Variants in EIPR1 observed in about 807,000 individuals in gnomAD.
The protein encoded by EIPR1 is EARP complex and GARP complex interacting protein 1.
In EIPR1, 25 loss-of-function variants were observed where a neutral mutation model predicts 48.1. The ratio of observed to expected loss-of-function variants is 0.52; its 90% CI spans 0.38 to 0.73. The LOEUF (loss-of-function observed/expected upper bound fraction) is 0.73, where lower values mean the gene tolerates loss of function less well. EIPR1 is among the 30% of genes least tolerant of loss of function. EIPR1 has a pLI of 0.00. For synonymous variants in EIPR1, 204 were observed against 201.9 expected (o/e 1.01, Z -0.09); for missense variants, 415 against 506.2 (o/e 0.82, Z 1.73).
At position 3,362,581 on chromosome 2, in the gene EIPR1, C is replaced by T. The variant is rs75010603; in HGVS notation, c.43-7948G>A. ...TTTCCTGTCAGACTCTGGGAAATCA[C>T]ACAAAAGCAGGAAGAAGGAGATCAC... On this transcript the variant is annotated intron_variant, in intron 1 of 8. Coordinates refer to ENST00000382125, the MANE Select transcript of EIPR1 (RefSeq NM_003310.5). 2.7e-5 allele frequency among the ~76,000 whole-genome samples: 4 copies of T among 150,248 alleles called. No homozygotes were observed. The East Asian group carries it at 7.8e-4, about 29-fold the overall frequency.
intron 4 of EIPR1, among the ~76,000 whole-genome samples, chr2:3,217,951 G>A (rs1399839915): frequency 1.3e-5 from 2 of 152,188 alleles, no homozygotes; most frequent in East Asian, 1.9e-4. Flanking sequence ...CTAAATACAC[G>A]TGAGTCCGGG....
chr2:3,204,582 G>T (rs1231441269), intron 5 of EIPR1, among the ~76,000 whole-genome samples: 1 of 152,162 alleles, frequency 6.6e-6, no homozygotes, highest in African/African-American at 2.4e-5. Context: ...ATGATTAAAG[G>T]CGCCCACAAA....
chr2:3,238,795 A>T (rs1386004270), intron 4 of EIPR1, among the ~76,000 whole-genome samples: 4 of 152,226 alleles, frequency 2.6e-5, no homozygotes, highest in African/African-American at 9.6e-5. Context: ...AACTGGCCAC[A>T]TCATCTGCAT....
In EIPR1 at chr2:3,313,725, G is replaced by A. The variant is rs372252393; in HGVS notation, c.259+24292C>T. Among the ~76,000 whole-genome samples the A allele has an allele frequency of 2.0e-5, 3 of 152,336 alleles. No homozygotes were observed. In the South Asian group the frequency reaches 6.2e-4, roughly 32 times the overall value. On this transcript the variant is annotated intron_variant, in intron 3 of 8. Transcript: ENST00000382125. ...CCCTAGCTTCTGAGATGCACAGTAA[G>A]TGTTTGGATCTGGGTTTCAGAAAAG...
At chr2:3,322,233 CG>C (rs1257883038) in intron 3 of EIPR1, among the ~76,000 whole-genome samples, 2 of 152,154 alleles carry the variant, frequency 1.3e-5, no homozygotes, top group African/African-American at 4.8e-5. Context: ...CCTAAAGCAG[CG>C]TTGAAACTGC....
chr2:3,303,906 T>C (rs994232068), intron 3 of EIPR1, among the ~76,000 whole-genome samples: 1 of 152,212 alleles, frequency 6.6e-6, no homozygotes, highest in Non-Finnish European at 1.5e-5. Flanking sequence ...GGAAGACTGT[T>C]AAAAATCTTA....
chr2:3,318,447 C>T (rs1193808846), intron 3 of EIPR1, among the ~76,000 whole-genome samples: 1 of 152,188 alleles, frequency 6.6e-6, no homozygotes, highest in Non-Finnish European at 1.5e-5. Context: ...ATTAATTCCA[C>T]TGCCAGATGA....
intron 3 of EIPR1, among the ~76,000 whole-genome samples, chr2:3,304,885 C>A (rs1341401800): frequency 2.0e-5 from 3 of 150,338 alleles, no homozygotes; most frequent in South Asian, 2.1e-4. Context: ...CCCTCCATTC[C>A]CGTCCAGTTC....
chr2:3,199,421 A>G (rs1347463295), intron 5 of EIPR1, among the ~76,000 whole-genome samples: 5 of 152,222 alleles, frequency 3.3e-5, no homozygotes, highest in Non-Finnish European at 7.3e-5. Flanking sequence ...TTATAAGAGC[A>G]TTGATTGGGG....
rs1301408867 is a variant in EIPR1 at position 3,286,114 on chromosome 2, C to T, written c.260-28659G>A. On this transcript the variant is annotated intron_variant, in intron 3 of 8. Coordinates refer to ENST00000382125, the MANE Select transcript of EIPR1 (RefSeq NM_003310.5). This position sits in a 1 kb window ranked among gnomAD's most constrained non-coding sequence, Gnocchi z 4.2. ...TGAACAAACCTTCCCAGGACTCCAGCTTTTTCCAGCCAAGCCCCCAGGCAC... is the reference window on the plus strand; with the variant it reads ...TGAACAAACCTTCCCAGGACTCCAGTTTTTTCCAGCCAAGCCCCCAGGCAC... Among the ~76,000 whole-genome samples, 3 of 152,264 alleles carry T rather than the reference C, an allele frequency of 2.0e-5. No individual in the cohort carries two copies. Among genetic ancestry groups the T allele is most frequent in the East Asian group, 3.9e-4 (2 of 5,172 alleles).
chr2:3,279,362 T>G (rs1041326822), intron 3 of EIPR1, among the ~76,000 whole-genome samples: 1 of 152,306 alleles, frequency 6.6e-6, no homozygotes, highest in Admixed American at 6.5e-5. Context: ...CAGTAAATAC[T>G]GGGAAGAGGT....
chr2:3,193,205 C>T (rs1415676147), intron 7 of EIPR1, among the ~76,000 whole-genome samples: 1 of 152,208 alleles, frequency 6.6e-6, no homozygotes, highest in Non-Finnish European at 1.5e-5. Flanking sequence ...GCCACTCAGA[C>T]CACAGGAAAT....
chr2:3,361,859 C>T (rs976445813), intron 1 of EIPR1, among the ~76,000 whole-genome samples: 2 of 151,920 alleles, frequency 1.3e-5, no homozygotes, highest in African/African-American at 4.8e-5. Flanking sequence ...CCTTGGACTC[C>T]CTCACACGGG....
chr2:3,335,029 C>T (rs1572457024), intron 3 of EIPR1, among the ~76,000 whole-genome samples: 2 of 152,318 alleles, frequency 1.3e-5, no homozygotes, highest in African/African-American at 4.8e-5. Flanking sequence ...GGCAGCTTAA[C>T]TCAAAGCCCA....
rs554926486 is a variant in EIPR1 at position 3,202,823 on chromosome 2, T to C, written c.517-5806A>G. On this transcript the variant is annotated intron_variant, in intron 5 of 8. Coordinates refer to ENST00000382125, the MANE Select transcript of EIPR1 (RefSeq NM_003310.5). ...ATAAAACACATCCTAACCTTCAGCTTAAGGACTCGTCTAGATTTTTGAAAG... is the reference window on the plus strand; with the variant it reads ...ATAAAACACATCCTAACCTTCAGCTCAAGGACTCGTCTAGATTTTTGAAAG... Among the ~76,000 whole-genome samples the C allele has an allele frequency of 2.1e-3, 318 of 152,354 alleles. 1 individual carries two copies. The highest frequency in any genetic ancestry group is 3.3e-3 in the Non-Finnish European group (222 of 68,032).
In EIPR1 at chr2:3,233,554, C is replaced by G. The variant is rs143539280; in HGVS notation, c.417-19306G>C. Among the ~76,000 whole-genome samples, 788 of 152,258 alleles carry G rather than the reference C, an allele frequency of 5.2e-3. 3 individuals are homozygous for G. The highest frequency in any genetic ancestry group is 7.2e-3 in the Non-Finnish European group (490 of 68,008). ...TCCCAGCCGTAACTGTGATAATGAC[C>G]GTGCTGATCCCTTCCCCAAGCCAAC... On this transcript the variant is annotated intron_variant, in intron 4 of 8. Transcript: ENST00000382125.
chr2:3,263,993 A>G (rs1010769337), intron 3 of EIPR1, among the ~76,000 whole-genome samples: 5 of 152,238 alleles, frequency 3.3e-5, no homozygotes, highest in African/African-American at 1.2e-4. Flanking sequence ...CTACTCTCTT[A>G]ACAATTTTCA....
chr2:3,333,184 C>A (rs1019187049), intron 3 of EIPR1, among the ~76,000 whole-genome samples: 1 of 152,206 alleles, frequency 6.6e-6, no homozygotes, highest in Non-Finnish European at 1.5e-5. Flanking sequence ...ACGAGCTCAG[C>A]CACTTCTGCA....
intron 1 of EIPR1, among the ~76,000 whole-genome samples, chr2:3,373,177 A>G (rs1659748102): frequency 6.6e-6 from 1 of 151,984 alleles, no homozygotes; most frequent in Non-Finnish European, 1.5e-5. Flanking sequence ...ACAAAATTCA[A>G]CAACGCTTCA....
Sources: gnomAD v4.1 joint callset for allele counts (sites outside exome capture counted in the v4.1 genomes callset) on GRCh38, gnomAD v4.1.1 for gene constraint, Gnocchi (gnomAD v3.1) non-coding constraint, MANE v1.5 for transcripts, NCBI Gene and HGNC (gene_info 2026-07-23, HGNC 2026-07-21) for gene names.